AXDND1: variants seen among roughly 807,000 people sequenced by gnomAD.
AXDND1 encodes the protein axonemal dynein light chain domain-containing protein 1.
AXDND1 carries 110 observed loss-of-function variants against 137.5 expected under a neutral mutation model. That is an observed-to-expected ratio of 0.80 (90% CI 0.69 to 0.94). AXDND1 has a LOEUF of 0.94. AXDND1 is among the 40% of genes least tolerant of loss of function. The pLI is 0.00. For missense variants in AXDND1, 1,191 were observed against 1,169.8 expected (o/e 1.02, Z -0.26); for synonymous variants, 414 against 399.7 (o/e 1.04, Z -0.43).
intron 18 of AXDND1, among the ~76,000 whole-genome samples, chr1:179,486,376 AGT>A (rs1666085193): frequency 6.6e-6 from 1 of 152,162 alleles, no homozygotes; most frequent in Non-Finnish European, 1.5e-5. Flanking sequence ...AAAGAGAGAG[AGT>A]GAAACCAAGC....
At chr1:179,416,052 A>G (rs11585830) in intron 12 of AXDND1, among the ~76,000 whole-genome samples, 97,667 of 151,940 alleles carry the variant, frequency 0.64, 31,771 homozygotes, top group Middle Eastern at 0.7. Flanking sequence ...CTGTTAAATC[A>G]TATACTTGTA....
chr1:179,498,833 G>A (rs1207847437), intron 20 of AXDND1, among the ~76,000 whole-genome samples: 2 of 151,814 alleles, frequency 1.3e-5, no homozygotes, highest in African/African-American at 4.8e-5. Context: ...AAAATTCTCA[G>A]CATCACTAAT....
intron 19 of AXDND1, among the ~76,000 whole-genome samples, chr1:179,492,223 C>T (rs369713980): frequency 3.9e-5 from 6 of 152,030 alleles, no homozygotes; most frequent in Non-Finnish European, 5.9e-5. Context: ...TACAGGCATG[C>T]ACCACGATGC....
rs1480651226 is a variant in AXDND1, at chr1:179,430,600, T to A, written c.1481T>A (p.Phe494Tyr). Residue 494 changes from phenylalanine (F) to tyrosine (Y), a missense_variant, in exon 14 of 26, where the codon TTC becomes TAC. Coordinates refer to ENST00000367618, the MANE Select transcript of AXDND1 (RefSeq NM_144696.6). ...GATGGGCTTATCAAATGGCAGGAGTTCTTCAAGTGAGTCACCAAGAATCTT... is the reference window on the plus strand; with the variant it reads ...GATGGGCTTATCAAATGGCAGGAGTACTTCAAGTGAGTCACCAAGAATCTT... ...VKDGLIKWQE[F>Y]FNEKDILSPN... 6.2e-7 allele frequency: 1 copy of A among 1,606,716 alleles called. No individual in the cohort carries two copies. Among genetic ancestry groups the A allele is most frequent in the Non-Finnish European group, 8.5e-7 (1 of 1,178,062 alleles).
At chr1:179,413,572 A>G (rs1052691264) in intron 12 of AXDND1, among the ~76,000 whole-genome samples, 7 of 152,254 alleles carry the variant, frequency 4.6e-5, no homozygotes, top group African/African-American at 1.7e-4. Context: ...TTCAAAGCAT[A>G]TAATTTCATT....
chr1:179,499,650 C>T (rs1667797986), intron 20 of AXDND1, among the ~76,000 whole-genome samples: 1 of 151,974 alleles, frequency 6.6e-6, no homozygotes, highest in African/African-American at 2.4e-5. Context: ...GAATACCTGA[C>T]TAAAAGGAGA....
At chr1:179,367,343 C>T (rs1184743428) in intron 2 of AXDND1, among the ~76,000 whole-genome samples, 1 of 151,992 alleles carries the variant, frequency 6.6e-6, no homozygotes, top group Non-Finnish European at 1.5e-5. Flanking sequence ...TGGAGAAACT[C>T]TGTCTACTAA....
chr1:179,408,354 G>T (rs772144752), intron 11 of AXDND1, among the ~76,000 whole-genome samples: 3 of 149,734 alleles, frequency 2.0e-5, no homozygotes, highest in Non-Finnish European at 4.4e-5. Context: ...TGATTTAATC[G>T]TCATTTTTTT....
Position 179,524,302 on chromosome 1 carries a change from T to G in AXDND1, c.2497-1032T>G, listed in dbSNP as rs368744495. Reference sequence around the variant, plus strand: ...ATAGATCCCTAGCATTTTATGTAACTGGGTTACTGTCTAATTCTCTGGCTA... The same window carrying G: ...ATAGATCCCTAGCATTTTATGTAACGGGGTTACTGTCTAATTCTCTGGCTA... On this transcript the variant is annotated intron_variant, in intron 21 of 25. Coordinates refer to ENST00000367618, the MANE Select transcript of AXDND1 (RefSeq NM_144696.6). 3.5e-4 allele frequency among the ~76,000 whole-genome samples: 54 copies of G among 152,328 alleles called. 3 individuals carry two copies. The highest frequency in any genetic ancestry group is 2.5e-3 in the East Asian group (13 of 5,176).
chr1:179,411,783 A>G (rs1392895430), intron 12 of AXDND1, among the ~76,000 whole-genome samples: 5 of 152,082 alleles, frequency 3.3e-5, no homozygotes, highest in Non-Finnish European at 7.4e-5. Context: ...AAAGTAGGAA[A>G]GGTGGTTCTT....
chr1:179,477,181 CATTT>C (rs1167495455), intron 17 of AXDND1, among the ~76,000 whole-genome samples: 9 of 151,390 alleles, frequency 5.9e-5, no homozygotes, highest in Non-Finnish European at 1.0e-4. Flanking sequence ...CTAAAATTTT[CATTT>C]ATTTCTTTTT....
intron 17 of AXDND1, among the ~76,000 whole-genome samples, chr1:179,481,735 GTGA>G (rs1454403636): frequency 6.6e-6 from 1 of 152,326 alleles, no homozygotes; most frequent in East Asian, 1.9e-4. Flanking sequence ...CTGATGGCCA[GTGA>G]TGATGAGCAT....
chr1:179,411,855 T>A (rs1332581928), intron 12 of AXDND1, among the ~76,000 whole-genome samples: 1 of 152,018 alleles, frequency 6.6e-6, no homozygotes, highest in Non-Finnish European at 1.5e-5. Flanking sequence ...TTCTCTTTTT[T>A]TTTTAAAAAA....
At chr1:179,448,848 A>G (rs890682264) in intron 16 of AXDND1, 1 of 162,058 alleles carries the variant, frequency 6.2e-6, no homozygotes, top group Non-Finnish European at 1.3e-5. Flanking sequence ...AGAGTTTTAT[A>G]GTTTTGCTCT....
chr1:179,371,261 C>T (rs930102796), intron 4 of AXDND1, among the ~76,000 whole-genome samples: 2 of 151,928 alleles, frequency 1.3e-5, no homozygotes, highest in African/African-American at 4.8e-5. Flanking sequence ...AACCCTGTCA[C>T]TACAAAAAAT....
At position 179,509,422 on chromosome 1, in the gene AXDND1, C is replaced by A; in HGVS notation, c.2496+19C>A. On this transcript the variant is annotated intron_variant, in intron 21 of 25. Transcript: ENST00000367618. Reference sequence around the variant, plus strand: ...TGAAGAGGTATTTGCCACATGTTAGCGTTGGTCATTATTCAGATTATTCCT... The same window carrying A: ...TGAAGAGGTATTTGCCACATGTTAGAGTTGGTCATTATTCAGATTATTCCT... The A allele has an allele frequency of 6.9e-7, 1 of 1,450,584 alleles. No homozygotes were observed. The highest frequency in any genetic ancestry group is 9.7e-7 in the Non-Finnish European group (1 of 1,034,640). 89.9% of individuals were successfully genotyped at this position (1,450,584 alleles called of 1,614,324 possible). A position where few individuals can be genotyped will look rare whatever the true frequency, so the allele number is the denominator to read the frequency against.
intron 16 of AXDND1, among the ~76,000 whole-genome samples, chr1:179,446,171 TG>T (rs1048858393): frequency 6.6e-6 from 1 of 152,230 alleles, no homozygotes; most frequent in African/African-American, 2.4e-5. Context: ...ACTTTGCCTA[TG>T]TTTTTTTTCT....
Position 179,429,513 on chromosome 1 carries a change from T to C in AXDND1, c.1231-5T>C. The C allele has an allele frequency of 6.9e-7, 1 of 1,445,992 alleles. No homozygotes were observed. The highest frequency in any genetic ancestry group is 9.3e-7 in the Non-Finnish European group (1 of 1,076,804). The allele number at this position is 1,445,992 out of a possible 1,614,324, so 89.6% of individuals were successfully genotyped here. ...GTTCCTGATTATAGTACATTATTTT[T>C]ATAGGTGATTGAAAGAAATAGAGTC... On this transcript the variant is annotated splice_region_variant and splice_polypyrimidine_tract_variant and intron_variant, in intron 12 of 25. Coordinates refer to ENST00000367618, the MANE Select transcript of AXDND1 (RefSeq NM_144696.6).
In AXDND1 at chr1:179,367,584, A is replaced by G. The variant is rs376394323; in HGVS notation, c.97+978A>G. On this transcript the variant is annotated intron_variant, in intron 2 of 25. Coordinates refer to ENST00000367618, the MANE Select transcript of AXDND1 (RefSeq NM_144696.6). ...AAACCCGGTCTCTACTAAAAATACA[A>G]AATTTAGCCTGGTGTGGTGGCACTC... 2.3e-4 allele frequency among the ~76,000 whole-genome samples: 35 copies of G among 151,606 alleles called. No individual in the cohort carries two copies. In the South Asian group the frequency reaches 7.1e-3, roughly 31 times the overall value.
Sources: gnomAD v4.1 joint callset for allele counts (sites outside exome capture counted in the v4.1 genomes callset) on GRCh38, gnomAD v4.1.1 for gene constraint, MANE v1.5 for transcripts, NCBI Gene and HGNC (gene_info 2026-07-23, HGNC 2026-07-21) for gene names.